Variants in DOCK11 observed in about 807,000 individuals in gnomAD.
DOCK11 encodes the protein dedicator of cytokinesis protein 11.
In DOCK11, 70 loss-of-function variants were observed where a neutral mutation model predicts 169.1. The observed-to-expected ratio is 0.41, with a 90% CI of 0.34 to 0.51. The LOEUF (loss-of-function observed/expected upper bound fraction) is 0.51. DOCK11 is among the 20% of genes least tolerant of loss of function. The pLI, the probability that DOCK11 is intolerant of heterozygous loss-of-function variation, is 0.10. For missense variants in DOCK11, 1,166 were observed against 1,538.8 expected (o/e 0.76, Z 4.05); for synonymous variants, 529 against 541.3 (o/e 0.98, Z 0.32).
chrX:118,685,973 G>T lies in DOCK11; in HGVS notation c.*166G>T. 1.7e-6 allele frequency: 1 copy of T among 595,243 alleles called. No homozygotes were observed. The highest frequency in any genetic ancestry group is 2.4e-6 in the Non-Finnish European group (1 of 409,887). The allele number at this position is 595,243 out of a possible 1,213,427, so 49.1% of individuals were successfully genotyped here. A position where few individuals can be genotyped will look rare whatever the true frequency, so the allele number is the denominator to read the frequency against. On this transcript the variant is annotated 3_prime_UTR_variant, in exon 53 of 53. Transcript: ENST00000276202. ...TTACATATTTGTAAATAAGCAACTTGAAAGTGCCTGGAAAATTGCACCACT... is the reference window on the plus strand; with the variant it reads ...TTACATATTTGTAAATAAGCAACTTTAAAGTGCCTGGAAAATTGCACCACT...
intron 40 of DOCK11, among the ~76,000 whole-genome samples, chrX:118,646,053 CAAAAAAAAA>C (rs754457760): frequency 1.0e-4 from 4 of 38,989 alleles, no homozygotes; most frequent in African/African-American, 3.6e-4. Context: ...GAGACTTCGT[CAAAAAAAAA>C]AAAAAAAAAA....
intron 1 of DOCK11, among the ~76,000 whole-genome samples, chrX:118,521,147 T>C (rs5910370): frequency 0.33 from 36,714 of 111,205 alleles, 4,453 homozygotes; most frequent in East Asian, 0.55. Context: ...TGGAAAGCAA[T>C]AGAAGTTTTG....
chrX:118,581,321 A>G (rs778435722), intron 14 of DOCK11, among the ~76,000 whole-genome samples: 2 of 111,657 alleles, frequency 1.8e-5, no homozygotes, highest in African/African-American at 3.3e-5. Flanking sequence ...AAAGATCACT[A>G]TTGTCCTTGT....
At chrX:118,622,536 T>C (rs1321505123) in intron 31 of DOCK11, among the ~76,000 whole-genome samples, 1 of 111,606 alleles carries the variant, frequency 9.0e-6, no homozygotes, top group Non-Finnish European at 1.9e-5. Context: ...TAATTTCTCT[T>C]CCCCTAGAGA....
Position 118,654,750 on chromosome X carries a change from CAGAGCTCA to C in DOCK11, c.4845_4852del (p.Leu1617AsnfsTer4). 1 of 1,211,776 alleles carries C rather than the reference CAGAGCTCA, an allele frequency of 8.3e-7. No individual in the cohort carries two copies. Among genetic ancestry groups the C allele is most frequent in the Non-Finnish European group, 1.1e-6 (1 of 895,543 alleles). ...TTAGCCAAGTCCTATGCAAGCACCC[CAGAGCTCA>C]GGAAAACCTGGCTTGATAGCATGGC... On this transcript the variant is annotated frameshift_variant, in exon 43 of 53. Coordinates refer to ENST00000276202, the MANE Select transcript of DOCK11 (RefSeq NM_144658.4). LOFTEE classifies it high-confidence loss of function.
At chrX:118,616,559 T>TG (rs1197860399) in intron 30 of DOCK11, among the ~76,000 whole-genome samples, 62 of 109,315 alleles carry the variant, frequency 5.7e-4, no homozygotes, top group South Asian at 1.9e-3. Context: ...TGTTTTTTTT[T>TG]TGTGTGTGTC....
chrX:118,535,736 T>C (rs2011731775), intron 1 of DOCK11, among the ~76,000 whole-genome samples: 2 of 111,880 alleles, frequency 1.8e-5, no homozygotes, highest in Admixed American at 9.5e-5. Context: ...TGAATGCAGT[T>C]TGTATTTAGA....
At chrX:118,540,493 G>T (rs1666680568) in intron 1 of DOCK11, among the ~76,000 whole-genome samples, 2 of 111,781 alleles carry the variant, frequency 1.8e-5, no homozygotes, top group African/African-American at 6.5e-5. Flanking sequence ...TCATTTTGCA[G>T]TAGTATTTGC....
rs1247743557 is a variant in DOCK11 at position 118,578,664 on chromosome X, G to A, written c.1512+17G>A. 1.7e-6 allele frequency: 2 copies of A among 1,184,131 alleles called. No individual in the cohort carries two copies. The highest frequency in any genetic ancestry group is 3.6e-5 in the African/African-American group (2 of 56,245). On this transcript the variant is annotated intron_variant, in intron 13 of 52. Coordinates refer to ENST00000276202, the MANE Select transcript of DOCK11 (RefSeq NM_144658.4). The stretch of plus-strand genomic sequence containing the variant: ...CCAGTAAAGGTAATTTATAAAGGTT[G>A]TTGATCAACATTTCACCTTAACGTA...
At chrX:118,551,612 C>T (rs972990872) in intron 6 of DOCK11, among the ~76,000 whole-genome samples, 2 of 110,227 alleles carry the variant, frequency 1.8e-5, no homozygotes, top group African/African-American at 6.6e-5. Flanking sequence ...GTGGGAGGAT[C>T]GCTTGAGCCT....
At chrX:118,637,413 T>A (rs754473492) in intron 36 of DOCK11, among the ~76,000 whole-genome samples, 144 of 111,863 alleles carry the variant, frequency 1.3e-3, no homozygotes, top group African/African-American at 4.4e-3. Flanking sequence ...TTATTTAAAA[T>A]GTAGAAATTG....
Position 118,618,751 on chromosome X carries a change from C to A in DOCK11, c.3471+23C>A, listed in dbSNP as rs762742641. On this transcript the variant is annotated intron_variant, in intron 31 of 52. Coordinates refer to ENST00000276202, the MANE Select transcript of DOCK11 (RefSeq NM_144658.4). Reference sequence around the variant, plus strand: ...AAGGTAAGGATATCCATGCAGTCATCAGTATCACACTGGTAGAGTTCTACT... The same window carrying A: ...AAGGTAAGGATATCCATGCAGTCATAAGTATCACACTGGTAGAGTTCTACT... 3 of 1,097,166 alleles carry A rather than the reference C, an allele frequency of 2.7e-6. No individual in the cohort carries two copies. In the South Asian group the frequency reaches 7.4e-5, roughly 27 times the overall value. 90.4% of individuals were successfully genotyped at this position (1,097,166 alleles called of 1,213,427 possible).
At chrX:118,504,244 A>T (rs963204710) in intron 1 of DOCK11, among the ~76,000 whole-genome samples, 5 of 110,703 alleles carry the variant, frequency 4.5e-5, no homozygotes, top group Non-Finnish European at 9.4e-5. Flanking sequence ...ACTAATGAAC[A>T]TTGTTCTGTT....
At chrX:118,619,555 C>T (rs1159104462) in intron 31 of DOCK11, among the ~76,000 whole-genome samples, 1 of 105,612 alleles carries the variant, frequency 9.5e-6, no homozygotes, top group African/African-American at 3.4e-5. Context: ...TTTCTCAACT[C>T]ATACTTAAAG....
At chrX:118,532,957 T>C (rs1208615660) in intron 1 of DOCK11, among the ~76,000 whole-genome samples, 1 of 110,123 alleles carries the variant, frequency 9.1e-6, no homozygotes, top group Non-Finnish European at 1.9e-5. Flanking sequence ...TTACTTTACA[T>C]AGCTTTTATT....
chrX:118,554,443 G>A (rs1053628592), intron 6 of DOCK11, among the ~76,000 whole-genome samples: 3 of 110,707 alleles, frequency 2.7e-5, no homozygotes, highest in Non-Finnish European at 3.8e-5. Flanking sequence ...TCAGCTACTC[G>A]GGAGGCTGAG....
Position 118,600,618 on chromosome X carries a change from G to A in DOCK11, c.2562+1390G>A, listed in dbSNP as rs773127424. ...AACACATAAGTTAATAAATATATAC[G>A]TCATCTCATATGGTAATAACTGTTA... On this transcript the variant is annotated intron_variant, in intron 23 of 52. Coordinates refer to ENST00000276202, the MANE Select transcript of DOCK11 (RefSeq NM_144658.4). Among the ~76,000 whole-genome samples, 14 of 110,781 alleles carry A rather than the reference G, an allele frequency of 1.3e-4. No homozygotes were observed. The South Asian group carries it at 2.7e-3, about 21-fold the overall frequency.
intron 40 of DOCK11, among the ~76,000 whole-genome samples, chrX:118,648,220 T>G (rs1231198132): frequency 1.2e-5 from 1 of 84,591 alleles, no homozygotes; most frequent in African/African-American, 4.5e-5. Flanking sequence ...TAATATTATA[T>G]AATAATATAA....
At chrX:118,583,361 T>C (rs2013714552) in intron 14 of DOCK11, among the ~76,000 whole-genome samples, 1 of 110,545 alleles carries the variant, frequency 9.0e-6, no homozygotes, top group South Asian at 3.8e-4. Flanking sequence ...CAAACCACCA[T>C]GGCACATGTA....
Sources: gnomAD v4.1 joint callset for allele counts (sites outside exome capture counted in the v4.1 genomes callset) on GRCh38, gnomAD v4.1.1 for gene constraint, MANE v1.5 for transcripts, NCBI Gene and HGNC (gene_info 2026-07-23, HGNC 2026-07-21) for gene names.